The following HOMER1 variants were observed in gnomAD, a reference collection of about 807,000 sequenced individuals.
HOMER1 encodes the protein homer scaffold protein 1.
In HOMER1, 3 loss-of-function variants were observed where a neutral mutation model predicts 48.9. The observed-to-expected ratio is 0.06, with a 90% CI of 0.03 to 0.16. HOMER1 has a LOEUF of 0.16. Ranked by LOEUF, HOMER1 falls within the 10% of genes least tolerant of loss-of-function variation. The pLI is 1.00. For missense variants in HOMER1, 247 were observed against 411.4 expected (o/e 0.60, Z 3.46); for synonymous variants, 134 against 146.4 (o/e 0.92, Z 0.61).
chr5:79,425,383 T>A (rs878970045), intron 5 of HOMER1, among the ~76,000 whole-genome samples: 1 of 139,816 alleles, frequency 7.2e-6, no homozygotes, highest in Non-Finnish European at 1.5e-5. Context: ...CAGAAAATTT[T>A]TAAAAAGTGG....
rs151146835 is a variant in HOMER1, at chr5:79,423,640, T to C, written c.527+15370A>G. Among the ~76,000 whole-genome samples, 342 of 152,238 alleles carry C rather than the reference T, an allele frequency of 2.2e-3. 1 individual carries two copies. Among genetic ancestry groups the C allele is most frequent in the Admixed American group, 4.1e-3 (62 of 15,300 alleles). ...AATAACATTATCGGTGTTTTAATGA[T>C]TATAAAGGCAGTACTAAGTCTCATG... On this transcript the variant is annotated intron_variant, in intron 5 of 8. Coordinates refer to ENST00000334082, the MANE Select transcript of HOMER1 (RefSeq NM_004272.5).
intron 1 of HOMER1, among the ~76,000 whole-genome samples, chr5:79,457,691 A>T (rs1751210304): frequency 6.6e-6 from 1 of 152,206 alleles, no homozygotes. Flanking sequence ...CACACATAAA[A>T]CATAGTTATG....
intron 8 of HOMER1, among the ~76,000 whole-genome samples, chr5:79,395,895 T>C (rs1229779173): frequency 6.6e-6 from 1 of 152,224 alleles, no homozygotes; most frequent in Non-Finnish European, 1.5e-5. Flanking sequence ...AAGCACTCAA[T>C]AAATGTTGGC....
chr5:79,480,388 G>C (rs1411914242), intron 1 of HOMER1, among the ~76,000 whole-genome samples: 1 of 152,178 alleles, frequency 6.6e-6, no homozygotes, highest in Non-Finnish European at 1.5e-5. Flanking sequence ...GGAGGGGGCA[G>C]TTTAAGTAAC....
chr5:79,387,184 G>A (rs1255225993), intron 8 of HOMER1, among the ~76,000 whole-genome samples: 2 of 151,646 alleles, frequency 1.3e-5, no homozygotes, highest in Non-Finnish European at 1.5e-5. Context: ...CAGACGTGCA[G>A]TGGTGCAATC....
At chr5:79,431,507 GT>G (rs1750424382) in intron 5 of HOMER1, among the ~76,000 whole-genome samples, 1 of 152,078 alleles carries the variant, frequency 6.6e-6, no homozygotes. Flanking sequence ...TGAGTACAGG[GT>G]TTTTTGGGGG....
At chr5:79,388,491 A>G (rs1749172134) in intron 8 of HOMER1, among the ~76,000 whole-genome samples, 1 of 152,234 alleles carries the variant, frequency 6.6e-6, no homozygotes, top group African/African-American at 2.4e-5. Flanking sequence ...ACTTGAGTAG[A>G]TGAATCTTCC....
At chr5:79,411,633 A>C (rs185629369) in intron 5 of HOMER1, among the ~76,000 whole-genome samples, 181 of 152,342 alleles carry the variant, frequency 1.2e-3, no homozygotes, top group African/African-American at 4.3e-3. Flanking sequence ...TACTTATCTA[A>C]CCTGCAGAGT....
intron 2 of HOMER1, among the ~76,000 whole-genome samples, chr5:79,452,772 C>CA (rs1351115307): frequency 6.6e-6 from 1 of 152,098 alleles, no homozygotes; most frequent in Non-Finnish European, 1.5e-5. Flanking sequence ...CCCTTATGCT[C>CA]AATTAAGTGT....
At chr5:79,455,362 A>G (rs1751142464) in intron 2 of HOMER1, among the ~76,000 whole-genome samples, 2 of 145,076 alleles carry the variant, frequency 1.4e-5, no homozygotes, top group South Asian at 4.6e-4. Context: ...GGTGGAGGTA[A>G]TTGAATCATG....
intron 5 of HOMER1, among the ~76,000 whole-genome samples, chr5:79,431,210 C>G (rs1361722865): frequency 1.2e-4 from 18 of 152,100 alleles, no homozygotes; most frequent in Admixed American, 9.2e-4. Context: ...GTAATCCCAG[C>G]TACTTGGGAG....
rs530788340 is a variant in HOMER1, at chr5:79,408,057, CTGTAGAAATTAAACTTTATCACAGGTA to C, written c.528-6029_528-6003del. On this transcript the variant is annotated intron_variant, in intron 5 of 8. Transcript: ENST00000334082. ...TGTTGTTAATCTCTTACTGTGCCTACTGTAGAAATTAAACTTTATCACAGGTATGTATCTACAGAAAAAAACATAAAC... is the reference window on the plus strand; with the variant it reads ...TGTTGTTAATCTCTTACTGTGCCTACTGTATCTACAGAAAAAAACATAAAC... Among the ~76,000 whole-genome samples the C allele has an allele frequency of 3.8e-3, 572 of 152,248 alleles. 2 individuals carry two copies. Among genetic ancestry groups the C allele is most frequent in the African/African-American group, 0.013 (535 of 41,534 alleles).
chr5:79,432,790 A>G (rs1441115432), intron 5 of HOMER1, among the ~76,000 whole-genome samples: 1 of 152,216 alleles, frequency 6.6e-6, no homozygotes. Context: ...AACAATGTAC[A>G]TGACCAAATT....
chr5:79,470,948 T>C (rs1751598837), intron 1 of HOMER1, among the ~76,000 whole-genome samples: 2 of 152,122 alleles, frequency 1.3e-5, no homozygotes, highest in South Asian at 4.1e-4. Context: ...GAGGATACAC[T>C]TACTTCAGCC....
chr5:79,431,094 G>A (rs1428495094), intron 5 of HOMER1, among the ~76,000 whole-genome samples: 1 of 152,192 alleles, frequency 6.6e-6, no homozygotes, highest in Non-Finnish European at 1.5e-5. Flanking sequence ...ACTTTGGGAA[G>A]CCAAGGTGGG....
chr5:79,439,101 T>G lies in HOMER1; in HGVS notation c.436A>C (p.Asn146His). The stretch of plus-strand genomic sequence containing the variant: ...GGTGTTCTTTCATCATCTGTCCCGT[T>G]GATACTTTCCGGTGTTAAAGGAGAC... ...LQSPLTPESI[N>H]GTDDERTPDV... Residue 146 changes from asparagine (N) to histidine (H), a missense_variant, in exon 5 of 9, where the codon AAC becomes CAC. Transcript: ENST00000334082. 1.2e-6 allele frequency: 2 copies of G among 1,614,074 alleles called. No individual in the cohort carries two copies. Among genetic ancestry groups the G allele is most frequent in the Non-Finnish European group, 1.7e-6 (2 of 1,179,928 alleles).
At chr5:79,510,512 C>T (rs1752911285) in intron 1 of HOMER1, 2 of 725,166 alleles carry the variant, frequency 2.8e-6, no homozygotes, top group Non-Finnish European at 5.1e-6. Context: ...ACCCGAAGCA[C>T]AAAGATACGA....
intron 5 of HOMER1, among the ~76,000 whole-genome samples, chr5:79,413,016 A>G (rs1318283339): frequency 6.6e-6 from 1 of 152,224 alleles, no homozygotes; most frequent in Non-Finnish European, 1.5e-5. Context: ...AATACACTGA[A>G]TGGACCCAAT....
At chr5:79,448,767 A>G (rs935085568) in intron 3 of HOMER1, among the ~76,000 whole-genome samples, 2 of 152,166 alleles carry the variant, frequency 1.3e-5, no homozygotes, top group Non-Finnish European at 2.9e-5. Context: ...AGCCTGAAAA[A>G]TAAATTATGA....
Sources: gnomAD v4.1 joint callset for allele counts (sites outside exome capture counted in the v4.1 genomes callset) on GRCh38, gnomAD v4.1.1 for gene constraint, MANE v1.5 for transcripts, NCBI Gene and HGNC (gene_info 2026-07-23, HGNC 2026-07-21) for gene names.